The following ATP4B variants were observed in gnomAD, a reference collection of about 807,000 sequenced individuals.
ATP4B encodes the protein ATPase H+/K+ transporting subunit beta.
In ATP4B, 27 loss-of-function variants were observed where a neutral mutation model predicts 35.3. The ratio of observed to expected loss-of-function variants is 0.76; its 90% CI spans 0.56 to 1.05. The LOEUF (loss-of-function observed/expected upper bound fraction) is 1.05, where lower values mean the gene tolerates loss of function less well. Ranked by LOEUF, ATP4B falls within the 50% of genes least tolerant of loss-of-function variation. The pLI is 0.00. For synonymous variants in ATP4B, 162 were observed against 156.0 expected (o/e 1.04, Z -0.29); for missense variants, 375 against 384.8 (o/e 0.97, Z 0.21).
rs890750498 is a variant in ATP4B at position 113,650,675 on chromosome 13, G to A, written c.613-168C>T. Among the ~76,000 whole-genome samples the A allele has an allele frequency of 3.3e-5, 5 of 152,176 alleles. No homozygotes were observed. Among genetic ancestry groups the A allele is most frequent in the African/African-American group, 9.7e-5 (4 of 41,450 alleles). ...ATGCAATCTTTCTAATCAGTGCTGA[G>A]ATCTCAGCAAGGATATGATTTGTTA... On this transcript the variant is annotated intron_variant, in intron 5 of 6. Coordinates refer to ENST00000335288, the MANE Select transcript of ATP4B (RefSeq NM_000705.4). The surrounding 1 kb of genome is among the most constrained non-coding windows in gnomAD (Gnocchi z 5.0).
rs1212523721 is a variant in ATP4B, at chr13:113,653,131, C to T, written c.356-59G>A. ...CCCTGGCCCTGACGCCTGGCTGCCC[C>T]CCGGGAAGGCCTTGCAAGCCCTGAG... On this transcript the variant is annotated intron_variant, in intron 3 of 6. Transcript: ENST00000335288. 6 of 1,557,936 alleles carry T rather than the reference C, an allele frequency of 3.9e-6. No homozygotes were observed. In the African/African-American group the frequency reaches 5.4e-5, roughly 14 times the overall value.
At position 113,650,273 on chromosome 13, in the gene ATP4B, C is replaced by T. The variant is rs1396905101; in HGVS notation, c.714+133G>A. The T allele has an allele frequency of 1.6e-5, 13 of 800,614 alleles. No individual in the cohort carries two copies. The highest frequency in any genetic ancestry group is 1.4e-4 in the East Asian group (5 of 35,918). 49.6% of individuals were successfully genotyped at this position (800,614 alleles called of 1,614,324 possible). A position where few individuals can be genotyped will look rare whatever the true frequency, so the allele number is the denominator to read the frequency against. The stretch of plus-strand genomic sequence containing the variant: ...ACCTGGGCTTGGGAAACACGCAGAA[C>T]GTTCCAGTCAGGACCGGCTAAGTCA... On this transcript the variant is annotated intron_variant, in intron 6 of 6. Coordinates refer to ENST00000335288, the MANE Select transcript of ATP4B (RefSeq NM_000705.4). This position sits in a 1 kb window ranked among gnomAD's most constrained non-coding sequence, Gnocchi z 5.0.
rs1350664526 is a variant in ATP4B, at chr13:113,654,916, A to G, written c.139T>C (p.Phe47Leu). The stretch of plus-strand genomic sequence containing the variant: ...AAGAGCCCAGTCATCACCACGTAGA[A>G]GGCCACGTAGTACAGGCTGATCCAC... ...WVWISLYYVA[F>L]YVVMTGLFAL... The change falls in exon 2 of 7, where the codon TTC (phenylalanine) becomes CTC (leucine). Residue 47 changes from phenylalanine (F) to leucine (L), a missense_variant. Phe to Leu is a conservative substitution (Grantham distance 22). Transcript: ENST00000335288. The G allele has an allele frequency of 6.2e-7, 1 of 1,614,100 alleles. No homozygotes were observed. Among genetic ancestry groups the G allele is most frequent in the African/African-American group, 1.3e-5 (1 of 74,944 alleles).
chr13:113,653,261 C>A (rs527624239), intron 3 of ATP4B, 60 bp downstream of exon 3: 4 of 1,525,140 alleles, frequency 2.6e-6, no homozygotes, highest in Non-Finnish European at 3.6e-6. Flanking sequence ...CTCACCCACC[C>A]GCCGCTTCAC....
rs1020625302 is a variant in ATP4B, at chr13:113,649,640, G to A, written c.715-105C>T. ...ACAGTCAGGTTGGTGCAGAGAAGCA[G>A]CTCTTTTGTGTAAGACTGGCCCTGA... On this transcript the variant is annotated intron_variant, in intron 6 of 6. Coordinates refer to ENST00000335288, the MANE Select transcript of ATP4B (RefSeq NM_000705.4). This position sits in a 1 kb window ranked among gnomAD's most constrained non-coding sequence, Gnocchi z 4.7. The A allele has an allele frequency of 4.6e-6, 6 of 1,313,352 alleles. No individual in the cohort carries two copies. The highest frequency in any genetic ancestry group is 3.2e-5 in the South Asian group (2 of 61,940). 81.4% of individuals were successfully genotyped at this position (1,313,352 alleles called of 1,614,324 possible). A position where few individuals can be genotyped will look rare whatever the true frequency, so the allele number is the denominator to read the frequency against.
Position 113,649,451 on chromosome 13 carries a change from C to A in ATP4B, c.799G>T (p.Ala267Ser), listed in dbSNP as rs139320470. ...AEVAIVCKVM[A>S]EHVTFNNPHD... ...GGATTGTTGAAGGTCACGTGCTCCG[C>A]CATGACCTTGCACACGATGGCGACC... Residue 267 changes from alanine (A) to serine (S), a missense_variant, in exon 7 of 7, where the codon GCG becomes TCG. Coordinates refer to ENST00000335288, the MANE Select transcript of ATP4B (RefSeq NM_000705.4). The surrounding 1 kb of genome is among the most constrained non-coding windows in gnomAD (Gnocchi z 4.7). The A allele has an allele frequency of 6.9e-5, 109 of 1,572,344 alleles. No homozygotes were observed. Among genetic ancestry groups the A allele is most frequent in the Non-Finnish European group, 9.0e-5 (104 of 1,156,948 alleles).
intron 2 of ATP4B, 65 bp from the exon 3 acceptor site, chr13:113,653,499 G>A: frequency 6.8e-7 from 1 of 1,461,734 alleles, no homozygotes; most frequent in South Asian, 1.2e-5. Context: ...CATCAGTTCT[G>A]AAGTGGCTGA....
intron 3 of ATP4B, 23 bp downstream of exon 3, chr13:113,653,298 T>G (rs2049728013): frequency 2.0e-6 from 3 of 1,503,716 alleles, no homozygotes; most frequent in Admixed American, 1.8e-5. Context: ...GCTTCACACC[T>G]CACCTGCCGT....
chr13:113,657,989 G>T, intron 1 of ATP4B, 44 bp downstream of exon 1: 1 of 1,497,012 alleles, frequency 6.7e-7, no homozygotes, highest in Non-Finnish European at 9.0e-7. Context: ...CGTCCTCAGA[G>T]CGGCCCCCTC....
rs2049771602 is a variant in ATP4B at position 113,658,195 on chromosome 13, G to C, written c.-51C>G. 1 of 1,537,558 alleles carries C rather than the reference G, an allele frequency of 6.5e-7. No homozygotes were observed. Among genetic ancestry groups the C allele is most frequent in the Non-Finnish European group, 8.9e-7 (1 of 1,126,582 alleles). ...CTGCTCCCTGCACCCTCTACGCCCAGACTGAGGCCAGATGCCCACCTCTGG... is the reference window on the plus strand; with the variant it reads ...CTGCTCCCTGCACCCTCTACGCCCACACTGAGGCCAGATGCCCACCTCTGG... On this transcript the variant is annotated 5_prime_UTR_variant, in exon 1 of 7. Transcript: ENST00000335288.
chr13:113,650,358 G>A lies in ATP4B; in HGVS notation c.714+48C>T. ...ATTGCTTTCCTTTCGCTAAGTGTGA[G>A]AGGACTCAGCAGCTGTGGTGAGGGA... On this transcript the variant is annotated intron_variant, in intron 6 of 6. Transcript: ENST00000335288. This position sits in a 1 kb window ranked among gnomAD's most constrained non-coding sequence, Gnocchi z 5.0. The A allele has an allele frequency of 7.8e-6, 12 of 1,546,684 alleles. No homozygotes were observed. Among genetic ancestry groups the A allele is most frequent in the Non-Finnish European group, 1.1e-5 (12 of 1,119,516 alleles).
At position 113,649,471 on chromosome 13, in the gene ATP4B, G is replaced by A. The variant is rs1160177894; in HGVS notation, c.779C>T (p.Ala260Val). The A allele has an allele frequency of 1.9e-6, 3 of 1,560,478 alleles. No individual in the cohort carries two copies. Among genetic ancestry groups the A allele is most frequent in the Non-Finnish European group, 2.6e-6 (3 of 1,150,424 alleles). The stretch of plus-strand genomic sequence containing the variant: ...CTCCGCCATGACCTTGCACACGATG[G>A]CGACCTCAGCGTTCCTGGGGATGTT... ...LLNIPRNAEVAIVCKVMAEHV... is the reference protein window; with the variant it reads ...LLNIPRNAEVVIVCKVMAEHV... Residue 260 changes from alanine to valine, a missense_variant, in exon 7 of 7, where the codon GCC becomes GTC. Physicochemically the swap from Ala to Val is moderately conservative, Grantham distance 64. Transcript: ENST00000335288. This position sits in a 1 kb window ranked among gnomAD's most constrained non-coding sequence, Gnocchi z 4.7.
intron 1 of ATP4B, among the ~76,000 whole-genome samples, chr13:113,657,396 G>T (rs1464942663): frequency 1.3e-5 from 2 of 152,246 alleles, no homozygotes; most frequent in Admixed American, 1.3e-4. Context: ...GGGTGTGGCA[G>T]CCCTGATGTA....
Position 113,649,229 on chromosome 13 carries a change from T to A in ATP4B, c.*145A>T, listed in dbSNP as rs563920238. 5.9e-5 allele frequency: 55 copies of A among 925,066 alleles called. No individual in the cohort carries two copies. The African/African-American group carries it at 8.8e-4, about 15-fold the overall frequency. 57.3% of individuals were successfully genotyped at this position (925,066 alleles called of 1,614,324 possible). A position where few individuals can be genotyped will look rare whatever the true frequency, so the allele number is the denominator to read the frequency against. ...CAGGTCCTTCAGATGTGGGCGCTTC[T>A]CTGGAGTTCGCACACTGACAACACC... On this transcript the variant is annotated 3_prime_UTR_variant, in exon 7 of 7. Coordinates refer to ENST00000335288, the MANE Select transcript of ATP4B (RefSeq NM_000705.4). This position sits in a 1 kb window ranked among gnomAD's most constrained non-coding sequence, Gnocchi z 4.7.
rs1395634309 is a variant in ATP4B at position 113,654,954 on chromosome 13, G to A, written c.113-12C>T. The A allele has an allele frequency of 1.9e-6, 3 of 1,613,580 alleles. No individual in the cohort carries two copies. Among genetic ancestry groups the A allele is most frequent in the African/African-American group, 2.7e-5 (2 of 75,056 alleles). On this transcript the variant is annotated splice_polypyrimidine_tract_variant and intron_variant, in intron 1 of 6. Coordinates refer to ENST00000335288, the MANE Select transcript of ATP4B (RefSeq NM_000705.4). ...CAGGCTGATCCACACTGCGACACAA[G>A]GCAGGCACAAAATTTACCACGTCAG... is the stretch of plus-strand genomic sequence containing the variant.
chr13:113,651,209 T>A (rs1238461205), intron 5 of ATP4B, among the ~76,000 whole-genome samples: 8 of 152,196 alleles, frequency 5.3e-5, no homozygotes, highest in Non-Finnish European at 1.2e-4. Context: ...AATTCAGTTT[T>A]AAAAAATGTT....
At chr13:113,652,778 C>T (rs745851797) in intron 4 of ATP4B, 95 bp downstream of exon 4, 1 of 1,451,310 alleles carries the variant, frequency 6.9e-7, no homozygotes, top group East Asian at 2.4e-5. Context: ...TGGGCAAGCC[C>T]CAGACAGGAC....
intron 1 of ATP4B, among the ~76,000 whole-genome samples, chr13:113,655,490 C>T (rs1052079202): frequency 6.6e-6 from 1 of 152,210 alleles, no homozygotes; most frequent in Admixed American, 6.5e-5. Flanking sequence ...TAGGCACCGG[C>T]AACTCAGGGT....
chr13:113,657,584 G>A (rs1013958479), intron 1 of ATP4B, among the ~76,000 whole-genome samples: 5 of 152,216 alleles, frequency 3.3e-5, no homozygotes, highest in African/African-American at 9.6e-5. Context: ...CCCCACCTCC[G>A]CATCTGGACG....
Sources: allele counts gnomAD v4.1 joint callset (sites outside exome capture counted in the v4.1 genomes callset), GRCh38; gene constraint gnomAD v4.1.1; non-coding constraint Gnocchi (gnomAD v3.1); transcripts MANE v1.5; gene names NCBI Gene and HGNC (gene_info 2026-07-23, HGNC 2026-07-21).